Variants in NRBF2 observed in about 807,000 individuals in gnomAD.
The protein encoded by NRBF2 is nuclear receptor binding factor 2.
A neutral mutation model predicts 28.5 loss-of-function variants in NRBF2; 12 were observed. The observed-to-expected ratio is 0.42, with a 90% CI of 0.27 to 0.68. NRBF2 has a LOEUF of 0.68. Ranked by LOEUF, NRBF2 falls within the 30% of genes least tolerant of loss-of-function variation. NRBF2 has a pLI of 0.24. For synonymous variants in NRBF2, 102 were observed against 116.5 expected (o/e 0.88, Z 0.80); for missense variants, 274 against 333.5 (o/e 0.82, Z 1.39).
At chr10:63,144,522 C>G (rs1841529806) in intron 1 of NRBF2, among the ~76,000 whole-genome samples, 1 of 150,222 alleles carries the variant, frequency 6.7e-6, no homozygotes, top group Non-Finnish European at 1.5e-5. Context: ...TCACGCTATT[C>G]TCCTGCCTCA....
Position 63,140,185 on chromosome 10 carries a change from A to G in NRBF2, c.31-6024A>G, listed in dbSNP as rs571956793. Among the ~76,000 whole-genome samples the G allele has an allele frequency of 5.9e-5, 9 of 152,288 alleles. No individual in the cohort carries two copies. In the East Asian group the frequency reaches 7.7e-4, roughly 13 times the overall value. ...CATAAGGAAGAGAAAATATAGTTCTATACTATAGTTATCAATACCATAAGT... is the reference window on the plus strand; with the variant it reads ...CATAAGGAAGAGAAAATATAGTTCTGTACTATAGTTATCAATACCATAAGT... On this transcript the variant is annotated intron_variant, in intron 1 of 3. Coordinates refer to ENST00000277746, the MANE Select transcript of NRBF2 (RefSeq NM_030759.5).
At chr10:63,142,302 G>GTTTTTTTTTTTTTTTTTTTTTTTTTTT (rs141743950) in intron 1 of NRBF2, among the ~76,000 whole-genome samples, 1 of 133,206 alleles carries the variant, frequency 7.5e-6, no homozygotes, top group African/African-American at 2.6e-5. Context: ...TGTTTTTTTT[G>GTTTTTTTTTTTTTTTTTTTTTTTTTTT]TTTTTTTTGT....
rs1841692898 is a variant in NRBF2 at position 63,154,064 on chromosome 10, C to T, written c.710C>T (p.Ala237Val). Residue 237 changes from alanine (A) to valine (V), a missense_variant, in exon 4 of 4, where the codon GCT becomes GTT. By Grantham distance (64) the Ala-to-Val change is moderately conservative. Transcript: ENST00000277746. ...AGCTTGCCACCACATGCAGAAACTG[C>T]TACAGCCTCCTCAACCTGGCAGAAG... ...LWSLPPHAET[A>V]TASSTWQKFA... is the part of the protein sequence containing the mutation. 1 of 1,613,382 alleles carries T rather than the reference C, an allele frequency of 6.2e-7. No individual in the cohort carries two copies. The highest frequency in any genetic ancestry group is 1.1e-5 in the South Asian group (1 of 91,070).
At chr10:63,149,586 T>C (rs1411169826) in intron 2 of NRBF2, among the ~76,000 whole-genome samples, 1 of 152,246 alleles carries the variant, frequency 6.6e-6, no homozygotes, top group Non-Finnish European at 1.5e-5. Context: ...GAACATGGAA[T>C]CAGATTTAAA....
intron 1 of NRBF2, among the ~76,000 whole-genome samples, chr10:63,139,718 C>T (rs1307833794): frequency 6.6e-6 from 1 of 152,220 alleles, no homozygotes; most frequent in African/African-American, 2.4e-5. Context: ...CTCCTTTCTG[C>T]AGACCTATAT....
chr10:63,147,474 C>A (rs1018715533), intron 2 of NRBF2, among the ~76,000 whole-genome samples: 2 of 151,988 alleles, frequency 1.3e-5, no homozygotes, highest in Non-Finnish European at 2.9e-5. Context: ...GTGTGTGCCA[C>A]CACCCCCGGC....
rs144133718 is a variant in NRBF2, at chr10:63,150,942, T to C, written c.116-1208T>C. 1.0e-3 allele frequency among the ~76,000 whole-genome samples: 159 copies of C among 152,284 alleles called. 1 individual carries two copies. The highest frequency in any genetic ancestry group is 3.5e-3 in the African/African-American group (146 of 41,572). ...CTGCTGATCTGATGGGAGGCAGAAC[T>C]CAGGCGGTAATGCAAGCAATGGGGA... On this transcript the variant is annotated intron_variant, in intron 2 of 3. Transcript: ENST00000277746.
intron 1 of NRBF2, among the ~76,000 whole-genome samples, chr10:63,143,534 T>C (rs1329454457): frequency 6.6e-6 from 1 of 151,882 alleles, no homozygotes; most frequent in Admixed American, 6.6e-5. Flanking sequence ...CTCGGCTCAC[T>C]GCAACCTCTG....
intron 1 of NRBF2, among the ~76,000 whole-genome samples, chr10:63,141,732 G>A (rs556800393): frequency 1.3e-5 from 2 of 152,334 alleles, no homozygotes; most frequent in Admixed American, 6.5e-5. Context: ...CCGGGCTTAT[G>A]TGTCTCATAT....
chr10:63,144,387 A>G (rs1448126506), intron 1 of NRBF2, among the ~76,000 whole-genome samples: 12 of 148,256 alleles, frequency 8.1e-5, no homozygotes, highest in Non-Finnish European at 1.2e-4. Context: ...CAGTTCATCC[A>G]TGTTGTAGTA....
intron 1 of NRBF2, among the ~76,000 whole-genome samples, chr10:63,136,636 A>G (rs1841383254): frequency 6.6e-6 from 1 of 152,198 alleles, no homozygotes; most frequent in South Asian, 2.1e-4. Context: ...TTAGGTCAGT[A>G]ACTTAAATAC....
At chr10:63,139,225 G>T (rs1050378800) in intron 1 of NRBF2, among the ~76,000 whole-genome samples, 2 of 152,078 alleles carry the variant, frequency 1.3e-5, no homozygotes, top group African/African-American at 2.4e-5. Context: ...GGTCTGGCTG[G>T]TCTCGAACTC....
rs974165168 is a variant in NRBF2, at chr10:63,154,910, C to T, written c.*692C>T. ...TTCTAACTTCGTTTATTGTATAATG[C>T]ATCATTTGAAAATACCAAGGAGGAA... On this transcript the variant is annotated 3_prime_UTR_variant, in exon 4 of 4. Transcript: ENST00000277746. 6.6e-6 allele frequency: 1 copy of T among 152,590 alleles called. No homozygotes were observed. Among genetic ancestry groups the T allele is most frequent in the Non-Finnish European group, 1.5e-5 (1 of 68,042 alleles). The allele number at this position is 152,590 out of a possible 1,614,324, so 9.5% of individuals were successfully genotyped here.
chr10:63,142,303 T>G (rs1236245637), intron 1 of NRBF2, among the ~76,000 whole-genome samples: 8 of 121,416 alleles, frequency 6.6e-5, no homozygotes, highest in Non-Finnish European at 1.3e-4. Context: ...GTTTTTTTTG[T>G]TTTTTTTGTT....
At chr10:63,140,699 C>G (rs1254194454) in intron 1 of NRBF2, among the ~76,000 whole-genome samples, 1 of 148,734 alleles carries the variant, frequency 6.7e-6, no homozygotes, top group Non-Finnish European at 1.5e-5. Flanking sequence ...CGTGCCCAGC[C>G]TATTACTTTT....
At chr10:63,150,984 A>G (rs1037035905) in intron 2 of NRBF2, among the ~76,000 whole-genome samples, 3 of 152,192 alleles carry the variant, frequency 2.0e-5, no homozygotes, top group Admixed American at 6.5e-5. Flanking sequence ...GTAAATACAG[A>G]TGAAACTTCA....
Position 63,142,764 on chromosome 10 carries a change from T to TTTTC in NRBF2, c.31-3429_31-3426dup, listed in dbSNP as rs1482323588. 2.8e-4 allele frequency among the ~76,000 whole-genome samples: 35 copies of TTTTC among 127,252 alleles called. 1 individual carries two copies. Among genetic ancestry groups the TTTTC allele is most frequent in the South Asian group, 1.1e-3 (4 of 3,560 alleles). 83.5% of individuals were successfully genotyped at this position (127,252 alleles called of 152,430 possible). A position where few individuals can be genotyped will look rare whatever the true frequency, so the allele number is the denominator to read the frequency against. On this transcript the variant is annotated intron_variant, in intron 1 of 3. Coordinates refer to ENST00000277746, the MANE Select transcript of NRBF2 (RefSeq NM_030759.5). ...ATTATTTTAAGCCCCCAGTCATTTC[T>TTTTC]TTTCTTTCTTTCTTTCTTTTTTTTT...
chr10:63,152,335 A>G (rs113341683), intron 3 of NRBF2, 145 bp downstream of exon 3: 2 of 589,956 alleles, frequency 3.4e-6, no homozygotes, highest in African/African-American at 1.9e-5. Context: ...AGCACTTCAC[A>G]ACGGAAATTA....
chr10:63,133,466 G>C lies in NRBF2; in HGVS notation c.-5G>C. 6.2e-7 allele frequency: 1 copy of C among 1,611,850 alleles called. No individual in the cohort carries two copies. The highest frequency in any genetic ancestry group is 8.5e-7 in the Non-Finnish European group (1 of 1,178,892). Reference sequence around the variant, plus strand: ...TTCCTAAGGCCGCCGCTTACCCCGGGGTCTATGGAAGTAATGGAAGGACCC... The same window carrying C: ...TTCCTAAGGCCGCCGCTTACCCCGGCGTCTATGGAAGTAATGGAAGGACCC... On this transcript the variant is annotated 5_prime_UTR_variant, in exon 1 of 4. Coordinates refer to ENST00000277746, the MANE Select transcript of NRBF2 (RefSeq NM_030759.5).
Sources: gnomAD v4.1 joint callset for allele counts (sites outside exome capture counted in the v4.1 genomes callset) on GRCh38, gnomAD v4.1.1 for gene constraint, MANE v1.5 for transcripts, NCBI Gene and HGNC (gene_info 2026-07-23, HGNC 2026-07-21) for gene names.